Variants in ABCA13 observed in about 807,000 individuals in gnomAD.
ABCA13 encodes ATP binding cassette subfamily A member 13, also known as ATP-binding cassette sub-family A member 13.
In ABCA13, 476 loss-of-function variants were observed where a neutral mutation model predicts 478.7. That is an observed-to-expected ratio of 0.99 (90% CI 0.92 to 1.07). The LOEUF (loss-of-function observed/expected upper bound fraction) is 1.07, where lower values mean the gene tolerates loss of function less well. Among genes scored for constraint, ABCA13 ranks in the 50% least tolerant of loss-of-function variants. The pLI is 0.00. For missense variants in ABCA13, 6,060 were observed against 5,910.6 expected (o/e 1.03, Z -0.83); for synonymous variants, 2,252 against 2,158.9 (o/e 1.04, Z -1.20).
intron 59 of ABCA13, among the ~76,000 whole-genome samples, chr7:48,632,713 G>A (rs1433265839): frequency 1.3e-5 from 2 of 152,114 alleles, no homozygotes; most frequent in Non-Finnish European, 2.9e-5. Context: ...TGGGCTTTAT[G>A]GTCAACTGAT....
chr7:48,250,866 C>G (rs548704857), intron 15 of ABCA13, among the ~76,000 whole-genome samples: 1 of 152,130 alleles, frequency 6.6e-6, no homozygotes, highest in African/African-American at 2.4e-5. Flanking sequence ...GACACTGCTC[C>G]ATCACAGTGG....
chr7:48,198,025 C>A (rs1170112211), intron 2 of ABCA13, among the ~76,000 whole-genome samples: 9 of 152,126 alleles, frequency 5.9e-5, no homozygotes, highest in African/African-American at 2.2e-4. Context: ...TGCCTTGAAA[C>A]ATGAGTACTG....
At chr7:48,395,998 G>A (rs1816785022) in intron 38 of ABCA13, among the ~76,000 whole-genome samples, 1 of 152,212 alleles carries the variant, frequency 6.6e-6, no homozygotes, top group African/African-American at 2.4e-5. Flanking sequence ...AAAGTGATGA[G>A]TTTGTCTTAG....
chr7:48,590,990 GT>G (rs1269207767), intron 57 of ABCA13, among the ~76,000 whole-genome samples: 3 of 151,222 alleles, frequency 2.0e-5, no homozygotes, highest in African/African-American at 7.3e-5. Flanking sequence ...CCCACTTTAT[GT>G]TTGCTTCTAT....
At chr7:48,611,436 T>C (rs574077938) in intron 58 of ABCA13, among the ~76,000 whole-genome samples, 1 of 152,338 alleles carries the variant, frequency 6.6e-6, no homozygotes, top group Non-Finnish European at 1.5e-5. Flanking sequence ...TTTTCTGTAT[T>C]AGTTTCTTTT....
chr7:48,626,870 G>A (rs1485838590), intron 59 of ABCA13: 75 of 985,294 alleles, frequency 7.6e-5, no homozygotes, highest in Non-Finnish European at 8.8e-5. Context: ...GAATTCCTAC[G>A]AGGAAGGGCT....
At chr7:48,399,357 G>A (rs2129067676) in intron 38 of ABCA13, among the ~76,000 whole-genome samples, 1 of 152,272 alleles carries the variant, frequency 6.6e-6, no homozygotes, top group African/African-American at 2.4e-5. Context: ...GACAGGGGAA[G>A]GGATTTAGAC....
intron 45 of ABCA13, among the ~76,000 whole-genome samples, chr7:48,472,284 A>G (rs1309508037): frequency 6.6e-6 from 1 of 152,220 alleles, no homozygotes; most frequent in Non-Finnish European, 1.5e-5. Flanking sequence ...GGAAATGGCT[A>G]TTTGGAGAAC....
intron 58 of ABCA13, among the ~76,000 whole-genome samples, chr7:48,608,084 T>C (rs1364578389): frequency 6.6e-6 from 1 of 152,102 alleles, no homozygotes; most frequent in Admixed American, 6.5e-5. Context: ...TTTCACCATG[T>C]TGGTCAGGCT....
At chr7:48,377,584 G>C (rs1192588201) in intron 35 of ABCA13, among the ~76,000 whole-genome samples, 1 of 152,102 alleles carries the variant, frequency 6.6e-6, no homozygotes, top group Non-Finnish European at 1.5e-5. Flanking sequence ...AAAATAATAT[G>C]GGCCACTGAA....
chr7:48,335,993 G>A (rs1259893496), intron 28 of ABCA13, among the ~76,000 whole-genome samples: 1 of 152,094 alleles, frequency 6.6e-6, no homozygotes, highest in Non-Finnish European at 1.5e-5. Context: ...AATTTTTTGG[G>A]CATTTGTGTA....
intron 58 of ABCA13, among the ~76,000 whole-genome samples, chr7:48,604,672 A>G (rs10238193): frequency 0.63 from 95,918 of 151,936 alleles, 30,940 homozygotes; most frequent in African/African-American, 0.76. Flanking sequence ...TAGAATAAGC[A>G]TGATGTGGTA....
intron 27 of ABCA13, among the ~76,000 whole-genome samples, chr7:48,323,109 G>GT (rs1330547098): frequency 6.6e-6 from 1 of 152,070 alleles, no homozygotes; most frequent in East Asian, 1.9e-4. Flanking sequence ...GGGCGTGTGG[G>GT]TTTTTTCTAG....
At chr7:48,490,267 A>C in intron 48 of ABCA13, among the ~76,000 whole-genome samples, 1 of 152,246 alleles carries the variant, frequency 6.6e-6, no homozygotes, top group East Asian at 1.9e-4. Context: ...ACAGCAGAAT[A>C]ACATTTCTAA....
chr7:48,225,123 G>GCCTT (rs1320895201), intron 5 of ABCA13, among the ~76,000 whole-genome samples: 27 of 105,090 alleles, frequency 2.6e-4, no homozygotes, highest in Non-Finnish European at 5.1e-4. Flanking sequence ...CTGCCTGCCT[G>GCCTT]CCTGCCTGCC....
chr7:48,590,998 C>G (rs776693637), intron 57 of ABCA13, among the ~76,000 whole-genome samples: 3 of 151,622 alleles, frequency 2.0e-5, no homozygotes, highest in African/African-American at 7.3e-5. Flanking sequence ...ATGTTTGCTT[C>G]TATTTTATGT....
At chr7:48,454,603 G>C (rs983094254) in intron 42 of ABCA13, among the ~76,000 whole-genome samples, 9 of 152,124 alleles carry the variant, frequency 5.9e-5, no homozygotes, top group South Asian at 2.1e-4. Context: ...GGGGTGCAGG[G>C]ACGGTGGAAC....
At chr7:48,242,962 A>T (rs964577700) in intron 10 of ABCA13, 1 of 152,244 alleles carries the variant, frequency 6.6e-6, no homozygotes, top group Admixed American at 6.5e-5. Context: ...TTTTCGTGTC[A>T]TTACAGACTG....
In ABCA13 at chr7:48,589,948, G is replaced by A. The variant is rs537169534; in HGVS notation, c.14640+2660G>A. Among the ~76,000 whole-genome samples, 7 of 152,160 alleles carry A rather than the reference G, an allele frequency of 4.6e-5. 1 individual carries two copies. The highest frequency in any genetic ancestry group is 1.7e-4 in the African/African-American group (7 of 41,524). ...ACACCTCTCAATACTGTTTCATTAG[G>A]GATTGAGTTTTAACATGAATTCTGT... On this transcript the variant is annotated intron_variant, in intron 57 of 61. Coordinates refer to ENST00000435803, the MANE Select transcript of ABCA13 (RefSeq NM_152701.5).
Sources: gnomAD v4.1 joint callset for allele counts (sites outside exome capture counted in the v4.1 genomes callset) on GRCh38, gnomAD v4.1.1 for gene constraint, MANE v1.5 for transcripts, NCBI Gene and HGNC (gene_info 2026-07-23, HGNC 2026-07-21) for gene names.